Variants in PARD3B observed in about 807,000 individuals in gnomAD.
PARD3B encodes the protein par-3 family cell polarity regulator beta.
In PARD3B, 103 loss-of-function variants were observed where a neutral mutation model predicts 130.2. The observed-to-expected ratio is 0.79, with a 90% CI of 0.67 to 0.93. The LOEUF (loss-of-function observed/expected upper bound fraction) is 0.93. Among genes scored for constraint, PARD3B ranks in the 40% least tolerant of loss-of-function variants. The probability of loss-of-function intolerance (pLI) is 0.00; values close to 1 mark genes in which losing one functional copy is unlikely to be tolerated. For missense variants in PARD3B, 1,609 were observed against 1,499.2 expected (o/e 1.07, Z -1.21); for synonymous variants, 583 against 553.2 (o/e 1.05, Z -0.76).
chr2:205,495,751 T>C (rs892453703), intron 20 of PARD3B, among the ~76,000 whole-genome samples: 1 of 152,142 alleles, frequency 6.6e-6, no homozygotes, highest in African/African-American at 2.4e-5. Context: ...GGGAAGTAGG[T>C]TGGAAGGCAG....
rs572463764 is a variant in PARD3B at position 205,575,896 on chromosome 2, A to G, written c.3260+22493A>G. ...CTCTTTTGGGTAAATACCAAGGAAC[A>G]TGACTGCTGGATCAAGTGGCGAGAC... On this transcript the variant is annotated intron_variant, in intron 22 of 22. Transcript: ENST00000406610. This position sits in a 1 kb window ranked among gnomAD's most constrained non-coding sequence, Gnocchi z 4.6. 1.3e-5 allele frequency among the ~76,000 whole-genome samples: 2 copies of G among 152,182 alleles called. No individual in the cohort carries two copies. Among genetic ancestry groups the G allele is most frequent in the Non-Finnish European group, 2.9e-5 (2 of 68,030 alleles).
rs547227672 is a variant in PARD3B, at chr2:205,124,000, C to G, written c.1166-327C>G. 4.1e-4 allele frequency among the ~76,000 whole-genome samples: 63 copies of G among 152,274 alleles called. No homozygotes were observed. In the South Asian group the frequency reaches 0.012, roughly 30 times the overall value. On this transcript the variant is annotated intron_variant, in intron 8 of 22. Coordinates refer to ENST00000406610, the MANE Select transcript of PARD3B (RefSeq NM_001302769.2). ...TTAAGTCAAATGGCCTTTTGCTTCT[C>G]AGGAAGTATGAAGTCAGGTTATGGT...
intron 1 of PARD3B, among the ~76,000 whole-genome samples, chr2:204,679,233 T>G (rs2036705477): frequency 6.6e-6 from 1 of 152,198 alleles, no homozygotes; most frequent in Non-Finnish European, 1.5e-5. Context: ...TTTTAGGTAT[T>G]AAAAATAATC....
rs908052810 is a variant in PARD3B, at chr2:205,015,293, C to A, written c.395-32288C>A. On this transcript the variant is annotated intron_variant, in intron 3 of 22. Coordinates refer to ENST00000406610, the MANE Select transcript of PARD3B (RefSeq NM_001302769.2). The surrounding 1 kb of genome is among the most constrained non-coding windows in gnomAD (Gnocchi z 4.5). ...GGAAGTAGATCAATATAAAGGTCTTCATCCTCATCATCTGCCTGTTGAGTA... is the reference window on the plus strand; with the variant it reads ...GGAAGTAGATCAATATAAAGGTCTTAATCCTCATCATCTGCCTGTTGAGTA... Among the ~76,000 whole-genome samples, 3 of 152,106 alleles carry A rather than the reference C, an allele frequency of 2.0e-5. No individual in the cohort carries two copies. In the East Asian group the frequency reaches 5.8e-4, roughly 29 times the overall value.
At chr2:204,806,117 A>C (rs1316885006) in intron 2 of PARD3B, among the ~76,000 whole-genome samples, 4 of 152,064 alleles carry the variant, frequency 2.6e-5, no homozygotes, top group Admixed American at 6.6e-5. Flanking sequence ...GACATTCTTC[A>C]AAAAAATAGG....
At chr2:204,682,525 TG>T (rs2036883395) in intron 1 of PARD3B, among the ~76,000 whole-genome samples, 1 of 152,238 alleles carries the variant, frequency 6.6e-6, no homozygotes, top group South Asian at 2.1e-4. Flanking sequence ...AATTCCGTTT[TG>T]TTTTTACCTT....
intron 11 of PARD3B, among the ~76,000 whole-genome samples, chr2:205,170,136 G>A (rs2035070072): frequency 6.6e-6 from 1 of 152,048 alleles, no homozygotes; most frequent in African/African-American, 2.4e-5. Flanking sequence ...CTCCATGTTG[G>A]TCAGACTGGT....
chr2:205,489,352 C>G (rs1046799072), intron 20 of PARD3B, among the ~76,000 whole-genome samples: 1 of 151,728 alleles, frequency 6.6e-6, no homozygotes, highest in African/African-American at 2.4e-5. Context: ...TGGCTCACAC[C>G]TATAATCCCA....
intron 2 of PARD3B, among the ~76,000 whole-genome samples, chr2:204,752,919 T>C (rs1047027043): frequency 2.6e-5 from 4 of 152,094 alleles, no homozygotes; most frequent in East Asian, 1.9e-4. Flanking sequence ...AGGTTAATTT[T>C]CCATGACTAT....
At chr2:205,577,898 A>G (rs1261547507) in intron 22 of PARD3B, among the ~76,000 whole-genome samples, 4 of 152,194 alleles carry the variant, frequency 2.6e-5, no homozygotes, top group Non-Finnish European at 5.9e-5. Flanking sequence ...TTGTTTCCGT[A>G]TTTTATGAAC....
chr2:205,039,696 C>G (rs896601691), intron 3 of PARD3B, among the ~76,000 whole-genome samples: 3 of 152,080 alleles, frequency 2.0e-5, no homozygotes, highest in Admixed American at 6.6e-5. Flanking sequence ...TCTCGAACTC[C>G]TGACCTCAGG....
At chr2:204,734,147 CATAAAT>C (rs1225194755) in intron 2 of PARD3B, among the ~76,000 whole-genome samples, 5 of 152,016 alleles carry the variant, frequency 3.3e-5, no homozygotes, top group Admixed American at 2.6e-4. Flanking sequence ...AAGATAGACA[CATAAAT>C]ATATGAAAAA....
At chr2:205,517,943 G>C (rs1192443369) in intron 21 of PARD3B, among the ~76,000 whole-genome samples, 2 of 152,172 alleles carry the variant, frequency 1.3e-5, no homozygotes, top group Non-Finnish European at 2.9e-5. Context: ...TGTGGTCTGA[G>C]AGTGTGTTTG....
chr2:205,531,781 C>CTGAT (rs1266931977), intron 21 of PARD3B, among the ~76,000 whole-genome samples: 6 of 152,092 alleles, frequency 3.9e-5, no homozygotes, highest in Non-Finnish European at 7.4e-5. Context: ...GCCTTATAAA[C>CTGAT]TGATTGACAA....
At chr2:205,471,562 C>G (rs937153226) in intron 20 of PARD3B, among the ~76,000 whole-genome samples, 1 of 151,874 alleles carries the variant, frequency 6.6e-6, no homozygotes, top group African/African-American at 2.4e-5. Flanking sequence ...GGGGTTTCAT[C>G]ATGTTAGCCA....
intron 4 of PARD3B, among the ~76,000 whole-genome samples, chr2:205,077,191 C>T (rs920204577): frequency 2.6e-5 from 4 of 152,046 alleles, no homozygotes; most frequent in Non-Finnish European, 4.4e-5. Flanking sequence ...GGAGTATTGT[C>T]ATTTCTAAGA....
intron 2 of PARD3B, among the ~76,000 whole-genome samples, chr2:204,923,776 C>G (rs2047772699): frequency 6.6e-6 from 1 of 152,014 alleles, no homozygotes; most frequent in Non-Finnish European, 1.5e-5. Context: ...AGGTAGCCTA[C>G]TTTTGACACA....
chr2:204,556,294 G>T (rs1224726949), intron 1 of PARD3B, among the ~76,000 whole-genome samples: 1 of 152,130 alleles, frequency 6.6e-6, no homozygotes, highest in Non-Finnish European at 1.5e-5. Context: ...CTAGGTCTGG[G>T]ATGCTCAAGA....
At chr2:204,914,949 A>G (rs1263110491) in intron 2 of PARD3B, among the ~76,000 whole-genome samples, 1 of 152,114 alleles carries the variant, frequency 6.6e-6, no homozygotes, top group Non-Finnish European at 1.5e-5. Flanking sequence ...GCTGGGTTTT[A>G]ATCCTCAGAA....
Sources: gnomAD v4.1 joint callset for allele counts (sites outside exome capture counted in the v4.1 genomes callset) on GRCh38, gnomAD v4.1.1 for gene constraint, Gnocchi (gnomAD v3.1) non-coding constraint, MANE v1.5 for transcripts, NCBI Gene and HGNC (gene_info 2026-07-23, HGNC 2026-07-21) for gene names.